GOLPH3: variants seen among roughly 807,000 people sequenced by gnomAD.
The protein encoded by GOLPH3 is golgi phosphoprotein 3.
A neutral mutation model predicts 28.5 loss-of-function variants in GOLPH3; 14 were observed. The observed-to-expected ratio is 0.49, with a 90% CI of 0.32 to 0.77. GOLPH3 has a LOEUF of 0.77. Among genes scored for constraint, GOLPH3 ranks in the 30% least tolerant of loss-of-function variants. GOLPH3 has a pLI of 0.03. For synonymous variants in GOLPH3, 158 were observed against 159.2 expected (o/e 0.99, Z 0.06); for missense variants, 350 against 393.7 (o/e 0.89, Z 0.94).
intron 2 of GOLPH3, among the ~76,000 whole-genome samples, chr5:32,141,500 C>T (rs1310779228): frequency 2.0e-5 from 3 of 152,208 alleles, no homozygotes; most frequent in Admixed American, 6.5e-5. Context: ...ATAGCCTATG[C>T]GTAAATTGCA....
At chr5:32,166,922 C>G (rs1283138157) in intron 1 of GOLPH3, among the ~76,000 whole-genome samples, 1 of 150,912 alleles carries the variant, frequency 6.6e-6, no homozygotes, top group African/African-American at 2.4e-5. Context: ...TAGTTTTATA[C>G]TATTTAATCT....
intron 1 of GOLPH3, among the ~76,000 whole-genome samples, chr5:32,172,649 C>T (rs181800356): frequency 0.015 from 2,219 of 151,986 alleles, 21 homozygotes; most frequent in Non-Finnish European, 0.024. Context: ...GAGTGGAGAT[C>T]GCGCCACTGC....
At chr5:32,140,329 C>T (rs530433250) in intron 2 of GOLPH3, among the ~76,000 whole-genome samples, 55 of 152,106 alleles carry the variant, frequency 3.6e-4, no homozygotes, top group African/African-American at 1.3e-3. Flanking sequence ...TAAAGTAAGA[C>T]CTTATCTCTA....
intron 3 of GOLPH3, 40 bp downstream of exon 3, chr5:32,135,532 T>TA (rs1234795194): frequency 8.2e-7 from 1 of 1,220,036 alleles, no homozygotes; most frequent in East Asian, 2.3e-5. Context: ...CGCAATCTTT[T>TA]AAACAGAAGT....
At chr5:32,170,604 G>C (rs1264259365) in intron 1 of GOLPH3, among the ~76,000 whole-genome samples, 1 of 152,048 alleles carries the variant, frequency 6.6e-6, no homozygotes, top group African/African-American at 2.4e-5. Context: ...AGCCTCCCAA[G>C]GGAAAAACAT....
chr5:32,162,368 T>A (rs1746603942), intron 1 of GOLPH3, among the ~76,000 whole-genome samples: 1 of 151,024 alleles, frequency 6.6e-6, no homozygotes, highest in Non-Finnish European at 1.5e-5. Context: ...GGCAGGCGCC[T>A]GTAGTCCCAG....
intron 1 of GOLPH3, among the ~76,000 whole-genome samples, chr5:32,153,213 A>G (rs1475146064): frequency 6.6e-6 from 1 of 152,208 alleles, no homozygotes; most frequent in Non-Finnish European, 1.5e-5. Context: ...AGCAAGGTGC[A>G]CACAGTGTAT....
intron 1 of GOLPH3, among the ~76,000 whole-genome samples, chr5:32,144,685 A>G (rs1385762142): frequency 6.6e-6 from 1 of 152,226 alleles, no homozygotes; most frequent in East Asian, 1.9e-4. Flanking sequence ...ATTCTCAATA[A>G]TAAACAGTAT....
intron 1 of GOLPH3, among the ~76,000 whole-genome samples, chr5:32,168,479 G>A (rs951546455): frequency 2.6e-5 from 4 of 152,116 alleles, no homozygotes; most frequent in South Asian, 2.1e-4. Context: ...TTAAGTTACT[G>A]TATTACAGTT....
At chr5:32,139,927 A>G (rs1340513050) in intron 2 of GOLPH3, among the ~76,000 whole-genome samples, 2 of 152,220 alleles carry the variant, frequency 1.3e-5, no homozygotes, top group African/African-American at 4.8e-5. Flanking sequence ...AATCAAAAAC[A>G]GGAGAGTCAC....
intron 2 of GOLPH3, among the ~76,000 whole-genome samples, chr5:32,138,165 G>C (rs1745977033): frequency 6.6e-6 from 1 of 152,120 alleles, no homozygotes; most frequent in Non-Finnish European, 1.5e-5. Flanking sequence ...GCCTCCCAAA[G>C]TGCTGGGATT....
chr5:32,173,399 G>A (rs1225165293), intron 1 of GOLPH3, among the ~76,000 whole-genome samples: 1 of 151,718 alleles, frequency 6.6e-6, no homozygotes, highest in Non-Finnish European at 1.5e-5. Flanking sequence ...AGGTCCTAAA[G>A]CCTGCAAAAA....
At chr5:32,152,164 T>C (rs1273066301) in intron 1 of GOLPH3, among the ~76,000 whole-genome samples, 1 of 151,960 alleles carries the variant, frequency 6.6e-6, no homozygotes, top group Admixed American at 6.5e-5. Context: ...TCTCACTCTG[T>C]TGCCCAGGCT....
At chr5:32,134,250 G>C (rs1157397736) in intron 3 of GOLPH3, among the ~76,000 whole-genome samples, 1 of 151,852 alleles carries the variant, frequency 6.6e-6, no homozygotes, top group African/African-American at 2.4e-5. Context: ...CTGTCACCCA[G>C]GTTGGAGTGC....
At chr5:32,164,307 C>T (rs1746656328) in intron 1 of GOLPH3, among the ~76,000 whole-genome samples, 1 of 152,154 alleles carries the variant, frequency 6.6e-6, no homozygotes, top group Admixed American at 6.5e-5. Context: ...TCCTCATTAT[C>T]TTCTCCCCCA....
intron 1 of GOLPH3, 36 bp from the exon 2 acceptor site, chr5:32,143,916 C>A: frequency 7.2e-7 from 1 of 1,388,272 alleles, no homozygotes; most frequent in South Asian, 1.5e-5. Context: ...AACAAAATAG[C>A]TAATTTACCT....
intron 1 of GOLPH3, among the ~76,000 whole-genome samples, chr5:32,160,661 T>C (rs962236048): frequency 2.0e-5 from 3 of 152,158 alleles, no homozygotes; most frequent in African/African-American, 7.2e-5. Flanking sequence ...AGAAGTTAGA[T>C]TAAGGTGAAG....
At chr5:32,160,790 A>G (rs1965924) in intron 1 of GOLPH3, among the ~76,000 whole-genome samples, 124,763 of 151,914 alleles carry the variant, frequency 0.82, 54,250 homozygotes, top group South Asian at 0.96. Flanking sequence ...ATCATGGGCC[A>G]GGCGCGGTGG....
At chr5:32,127,668 T>C (rs1435062637) in intron 3 of GOLPH3, among the ~76,000 whole-genome samples, 1 of 152,212 alleles carries the variant, frequency 6.6e-6, no homozygotes, top group Non-Finnish European at 1.5e-5. Flanking sequence ...TAGCGGACTA[T>C]CTTAAAATTT....
Sources: allele counts gnomAD v4.1 joint callset (sites outside exome capture counted in the v4.1 genomes callset), GRCh38; gene constraint gnomAD v4.1.1; transcripts MANE v1.5; gene names NCBI Gene and HGNC (gene_info 2026-07-23, HGNC 2026-07-21).